Variants in ZNF239 observed in about 807,000 individuals in gnomAD.
ZNF239 encodes zinc finger protein (C2H2) homologous to mouse MOK-2.
Under a neutral mutation model 27.5 loss-of-function variants are expected in ZNF239, and 16 were observed. The ratio of observed to expected loss-of-function variants is 0.58; its 90% confidence interval spans 0.39 to 0.88. ZNF239 has a LOEUF of 0.88. ZNF239 is among the 40% of genes least tolerant of loss of function. The pLI is 0.00. For missense variants in ZNF239, 527 were observed against 551.9 expected, an observed-to-expected ratio of 0.95 and a Z score of 0.45; for synonymous variants, 199 against 192.6, an observed-to-expected ratio of 1.03 and a Z score of -0.27.
Position 43,557,993 on chromosome 10 carries a change from AG to A in ZNF239, c.86del (p.Pro29LeufsTer19). ...AAGATGCTTCTCCCCACTGTTGACAAGGGGAAATATCTAGTTCAGGCTCCCC... is the reference window on the plus strand; with the variant it reads ...AAGATGCTTCTCCCCACTGTTGACAAGGGAAATATCTAGTTCAGGCTCCCC... Reference protein sequence around the residue: ...VDGEPELDISPCQQWGEASSP... With the variant: ...VDGEPELDISXCQQWGEASSP... On this transcript the variant is annotated frameshift_variant, in exon 4 of 4. Transcript: ENST00000374446. LOFTEE classifies it low-confidence loss of function (END_TRUNC). 6.2e-7 allele frequency: 1 copy of A among 1,614,156 alleles called. No individual in the cohort carries two copies. Among genetic ancestry groups the A allele is most frequent in the Non-Finnish European group, 8.5e-7 (1 of 1,180,010 alleles).
intron 3 of ZNF239, among the ~76,000 whole-genome samples, chr10:43,562,033 A>G (rs1837295071): frequency 6.6e-6 from 1 of 152,250 alleles, no homozygotes; most frequent in African/African-American, 2.4e-5. Context: ...AACTAATTAC[A>G]AAGTCAAAGC....
intron 3 of ZNF239, among the ~76,000 whole-genome samples, chr10:43,559,118 T>C (rs115643856): frequency 1.9e-4 from 29 of 152,002 alleles, no homozygotes; most frequent in African/African-American, 6.8e-4. Context: ...ACGAAGGAGA[T>C]AAAAACAGTA....
At chr10:43,572,472 T>A (rs575149934) in intron 2 of ZNF239, among the ~76,000 whole-genome samples, 2 of 152,354 alleles carry the variant, frequency 1.3e-5, no homozygotes, top group Admixed American at 1.3e-4. Flanking sequence ...AACATTTTTT[T>A]TCCCTTAAAA....
At chr10:43,564,357 T>C in intron 3 of ZNF239, 3 of 842,348 alleles carry the variant, frequency 3.6e-6, no homozygotes, top group South Asian at 1.1e-4. Context: ...AACATCTAAC[T>C]TGAGCTTGAA....
intron 3 of ZNF239, among the ~76,000 whole-genome samples, chr10:43,564,062 G>C (rs1476615530): frequency 2.0e-5 from 3 of 152,156 alleles, no homozygotes; most frequent in Non-Finnish European, 4.4e-5. Context: ...GCACCCTGTG[G>C]TCTACCACAC....
In ZNF239 at chr10:43,558,099, G is replaced by C; in HGVS notation, c.-20C>G. 2.5e-6 allele frequency: 4 copies of C among 1,600,956 alleles called. No homozygotes were observed. Among genetic ancestry groups the C allele is most frequent in the Non-Finnish European group, 2.6e-6 (3 of 1,172,348 alleles). ...GGCCATGCCTTCCAAAACTAGCCAG[G>C]AGGAAAGCTCATGTAACAGATCCTG... On this transcript the variant is annotated 5_prime_UTR_variant, in exon 4 of 4. Transcript: ENST00000374446.
chr10:43,568,478 C>G (rs767406840), intron 2 of ZNF239: 1 of 984,454 alleles, frequency 1.0e-6, no homozygotes, highest in African/African-American at 1.7e-5. Flanking sequence ...CTGGACCCCT[C>G]TACTCTTAAA....
In ZNF239 at chr10:43,566,858, TG is replaced by T. The variant is rs547492374; in HGVS notation, c.-93+1040del. ...ATTTTCAGTTAAAATTACTAATTATTGCCTTAGACTAGATATCTAAAAAATG... is the reference window on the plus strand; with the variant it reads ...ATTTTCAGTTAAAATTACTAATTATTCCTTAGACTAGATATCTAAAAAATG... On this transcript the variant is annotated intron_variant, in intron 3 of 3. Coordinates refer to ENST00000374446, the MANE Select transcript of ZNF239 (RefSeq NM_001099282.2). Among the ~76,000 whole-genome samples, 17 of 152,372 alleles carry T rather than the reference TG, an allele frequency of 1.1e-4. No individual in the cohort carries two copies. The South Asian group carries it at 3.5e-3, about 32-fold the overall frequency.
intron 2 of ZNF239, chr10:43,570,933 G>T: frequency 1.0e-6 from 1 of 985,164 alleles, no homozygotes; most frequent in Non-Finnish European, 1.2e-6. Flanking sequence ...AAAATGACAG[G>T]AGTAGACCAA....
Position 43,573,249 on chromosome 10 carries a change from TC to T in ZNF239, c.-216+387del, listed in dbSNP as rs564540176. 5.4e-3 allele frequency among the ~76,000 whole-genome samples: 828 copies of T among 152,338 alleles called. 5 individuals are homozygous for T. The highest frequency in any genetic ancestry group is 0.024 in the Middle Eastern group (7 of 294). ...TAATATGTTCATCAAGATGGTAAGC[TC>T]CTTGAAGAAAAGCACCGTGGTTTAT... On this transcript the variant is annotated intron_variant, in intron 2 of 3. Transcript: ENST00000374446.
Position 43,556,867 on chromosome 10 carries a change from A to G in ZNF239, c.1213T>C (p.Cys405Arg), listed in dbSNP as rs1342705584. ...CTAAATCCCTTCCCACACTTGCCACAGTGATAGGGCTTCTCTCCAGTGTGG... is the reference window on the plus strand; with the variant it reads ...CTAAATCCCTTCCCACACTTGCCACGGTGATAGGGCTTCTCTCCAGTGTGG... The part of the protein sequence containing the change: ...RVHTGEKPYH[C>R]GKCGKGFSQS... The change falls in exon 4 of 4, where the codon TGT (cysteine) becomes CGT (arginine). Residue 405 changes from cysteine to arginine, a missense_variant. By Grantham distance (180) the Cys-to-Arg change is radical (BLOSUM62 -3). Coordinates refer to ENST00000374446, the MANE Select transcript of ZNF239 (RefSeq NM_001099282.2). 2 of 1,613,894 alleles carry G rather than the reference A, an allele frequency of 1.2e-6. No individual in the cohort carries two copies. Among genetic ancestry groups the G allele is most frequent in the Admixed American group, 3.3e-5 (2 of 59,976 alleles).
intron 3 of ZNF239, among the ~76,000 whole-genome samples, chr10:43,562,171 T>C (rs1009782055): frequency 6.6e-5 from 10 of 152,162 alleles, no homozygotes; most frequent in African/African-American, 2.4e-4. Context: ...TTACAAAATA[T>C]TGATAAACTG....
Position 43,570,746 on chromosome 10 carries a change from G to A in ZNF239, c.-215-2725C>T, listed in dbSNP as rs956400714. On this transcript the variant is annotated intron_variant, in intron 2 of 3. Transcript: ENST00000374446. ...GACCCTTATTTTTTTTCTTACCTAG[G>A]CTACAATAACTCCTTACCAATTCTT... 12 of 887,704 alleles carry A rather than the reference G, an allele frequency of 1.4e-5. No homozygotes were observed. In the African/African-American group the frequency reaches 2.0e-4, roughly 15 times the overall value. The allele number at this position is 887,704 out of a possible 1,614,324, so 55.0% of individuals were successfully genotyped here. A position where few individuals can be genotyped will look rare whatever the true frequency, so the allele number is the denominator to read the frequency against.
chr10:43,556,457 G>A lies in ZNF239; in HGVS notation c.*246C>T. ...GTTAAAATGCTGGGTAGAACATGTA[G>A]TTGAATTGTAAAGTACAGACACTTT... On this transcript the variant is annotated 3_prime_UTR_variant, in exon 4 of 4. Coordinates refer to ENST00000374446, the MANE Select transcript of ZNF239 (RefSeq NM_001099282.2). 2.2e-6 allele frequency: 1 copy of A among 455,936 alleles called. No homozygotes were observed. Among genetic ancestry groups the A allele is most frequent in the Non-Finnish European group, 3.8e-6 (1 of 260,594 alleles). The allele number at this position is 455,936 out of a possible 1,614,324, so 28.2% of individuals were successfully genotyped here. A position where few individuals can be genotyped will look rare whatever the true frequency, so the allele number is the denominator to read the frequency against.
At chr10:43,558,471 CAG>C (rs1040991260) in intron 3 of ZNF239, among the ~76,000 whole-genome samples, 31 of 151,228 alleles carry the variant, frequency 2.0e-4, no homozygotes, top group African/African-American at 7.0e-4. Flanking sequence ...TTTTTTGAGA[CAG>C]AGTTTCACTC....
chr10:43,564,155 A>T (rs1837471422), intron 3 of ZNF239: 1 of 293,102 alleles, frequency 3.4e-6, no homozygotes, highest in Admixed American at 6.5e-5. Flanking sequence ...ACCTGTTTAA[A>T]CTATTGATCC....
intron 3 of ZNF239, among the ~76,000 whole-genome samples, chr10:43,559,359 GT>G: frequency 6.6e-6 from 1 of 152,316 alleles, no homozygotes; most frequent in South Asian, 2.1e-4. Flanking sequence ...AAGGATGATA[GT>G]TGTGGAGAGA....
At chr10:43,565,472 C>A (rs1021756438) in intron 3 of ZNF239, among the ~76,000 whole-genome samples, 5 of 152,118 alleles carry the variant, frequency 3.3e-5, no homozygotes, top group Admixed American at 1.3e-4. Context: ...AATTTTTCTA[C>A]AGGAGAAATT....
chr10:43,565,817 G>GAAAAAAAAAAAA (rs36039838), intron 3 of ZNF239, among the ~76,000 whole-genome samples: 9 of 67,146 alleles, frequency 1.3e-4, no homozygotes, highest in Non-Finnish European at 1.7e-4. Flanking sequence ...TCCATCTCAA[G>GAAAAAAAAAAAA]AAAAAAAAAA....
Sources: allele counts gnomAD v4.1 joint callset (sites outside exome capture counted in the v4.1 genomes callset), GRCh38; gene constraint gnomAD v4.1.1; transcripts MANE v1.5; gene names NCBI Gene and HGNC (gene_info 2026-07-23, HGNC 2026-07-21).